ADAMTS2: variants seen among roughly 807,000 people sequenced by gnomAD.
ADAMTS2 encodes A disintegrin and metalloproteinase with thrombospondin motifs 2.
Under a neutral mutation model 123.0 loss-of-function variants are expected in ADAMTS2, and 50 were observed. The ratio of observed to expected loss-of-function variants is 0.41; its 90% confidence interval spans 0.32 to 0.51. ADAMTS2 has a LOEUF of 0.51. ADAMTS2 is among the 20% of genes least tolerant of loss of function. The probability of loss-of-function intolerance (pLI) is 0.35; values close to 1 mark genes in which losing one functional copy is unlikely to be tolerated. For missense variants in ADAMTS2, 1,494 were observed against 1,705.2 expected (o/e 0.88, Z 2.18); for synonymous variants, 678 against 695.4 (o/e 0.98, Z 0.39).
intron 2 of ADAMTS2, among the ~76,000 whole-genome samples, chr5:179,309,583 C>A (rs1756767873): frequency 6.6e-6 from 1 of 152,150 alleles, no homozygotes; most frequent in South Asian, 2.1e-4. Flanking sequence ...TGGTGAAACC[C>A]TGTCTGTACT....
At chr5:179,160,481 T>C (rs1763574038) in intron 5 of ADAMTS2, among the ~76,000 whole-genome samples, 4 of 152,094 alleles carry the variant, frequency 2.6e-5, no homozygotes, top group Admixed American at 2.6e-4. Flanking sequence ...ACAAAGGGTA[T>C]TGTTAGCAAG....
At chr5:179,220,538 G>A (rs1182446672) in intron 3 of ADAMTS2, among the ~76,000 whole-genome samples, 3 of 152,122 alleles carry the variant, frequency 2.0e-5, no homozygotes, top group African/African-American at 7.2e-5. Flanking sequence ...CAGCTGCATC[G>A]TCCACCTAGG....
intron 2 of ADAMTS2, among the ~76,000 whole-genome samples, chr5:179,336,792 G>A (rs938010294): frequency 2.6e-5 from 4 of 152,180 alleles, no homozygotes; most frequent in Non-Finnish European, 4.4e-5. Flanking sequence ...CCACCCTGCC[G>A]GTCACGAGGA....
At chr5:179,140,735 C>T (rs549215009) in intron 10 of ADAMTS2, among the ~76,000 whole-genome samples, 1 of 150,770 alleles carries the variant, frequency 6.6e-6, no homozygotes, top group Non-Finnish European at 1.5e-5. Flanking sequence ...AACCAAAAAA[C>T]AGAGAACAAG....
intron 3 of ADAMTS2, among the ~76,000 whole-genome samples, chr5:179,258,469 C>T (rs543852685): frequency 6.6e-6 from 1 of 152,244 alleles, no homozygotes; most frequent in Admixed American, 6.5e-5. Flanking sequence ...AGCCTGGCCA[C>T]CCCAGCCTCG....
intron 2 of ADAMTS2, among the ~76,000 whole-genome samples, chr5:179,338,674 A>G (rs894680706): frequency 3.9e-5 from 6 of 152,200 alleles, no homozygotes; most frequent in Admixed American, 3.3e-4. Flanking sequence ...ATGCCAGGCC[A>G]GTGGGTTTGG....
chr5:179,240,328 T>C (rs1765634648), intron 3 of ADAMTS2, among the ~76,000 whole-genome samples: 1 of 152,074 alleles, frequency 6.6e-6, no homozygotes, highest in African/African-American at 2.4e-5. Flanking sequence ...TTACCAGGAC[T>C]AGGGCATTGT....
At chr5:179,281,513 G>A (rs1477099992) in intron 2 of ADAMTS2, among the ~76,000 whole-genome samples, 1 of 152,226 alleles carries the variant, frequency 6.6e-6, no homozygotes, top group Admixed American at 6.5e-5. Context: ...GTAGCATATA[G>A]CAGTATTTCA....
rs1295001850 is a variant in ADAMTS2, at chr5:179,200,403, CA to C, written c.891+7109del. On this transcript the variant is annotated intron_variant, in intron 4 of 21. Transcript: ENST00000251582. The stretch of plus-strand genomic sequence containing the variant: ...AGCTGGGATTACAGGCACGTGCCAC[CA>C]CACTCGGCTTATTTTTGTATTTTTA... 2.0e-5 allele frequency among the ~76,000 whole-genome samples: 3 copies of C among 151,986 alleles called. No individual in the cohort carries two copies. In the East Asian group the frequency reaches 5.8e-4, roughly 29 times the overall value.
At position 179,180,694 on chromosome 5, in the gene ADAMTS2, C is replaced by A. The variant is rs751298853; in HGVS notation, c.975+378G>T. Among the ~76,000 whole-genome samples, 49 of 152,126 alleles carry A rather than the reference C, an allele frequency of 3.2e-4. No homozygotes were observed. The highest frequency in any genetic ancestry group is 1.0e-4 in the Non-Finnish European group (7 of 68,026). Reference sequence around the variant, plus strand: ...CACTGGAATTATTCAAACTGGCCAACCTTAAGCCAGCTCACCCTGTCCCCA... The same window carrying A: ...CACTGGAATTATTCAAACTGGCCAAACTTAAGCCAGCTCACCCTGTCCCCA... On this transcript the variant is annotated intron_variant, in intron 5 of 21. Coordinates refer to ENST00000251582, the MANE Select transcript of ADAMTS2 (RefSeq NM_014244.5). This position sits in a 1 kb window ranked among gnomAD's most constrained non-coding sequence, Gnocchi z 4.6.
chr5:179,152,456 G>C (rs546416010), intron 9 of ADAMTS2, among the ~76,000 whole-genome samples: 1 of 152,170 alleles, frequency 6.6e-6, no homozygotes, highest in Admixed American at 6.5e-5. Context: ...CCCTGGACGC[G>C]GCTGGGCCTC....
chr5:179,228,358 C>G lies in ADAMTS2; in HGVS notation c.689-20643G>C, dbSNP rs2113422877. On this transcript the variant is annotated intron_variant, in intron 3 of 21. Transcript: ENST00000251582. This position sits in a 1 kb window ranked among gnomAD's most constrained non-coding sequence, Gnocchi z 5.2. ...GGTGCACGGACAGGGCTGTTCCTGA[C>G]TCAGCTCACTCCACCAGAACCCAGT... Among the ~76,000 whole-genome samples, 1 of 152,344 alleles carries G rather than the reference C, an allele frequency of 6.6e-6. No individual in the cohort carries two copies. Among genetic ancestry groups the G allele is most frequent in the East Asian group, 1.9e-4 (1 of 5,186 alleles).
chr5:179,322,059 A>G (rs993561854), intron 2 of ADAMTS2, among the ~76,000 whole-genome samples: 8 of 152,370 alleles, frequency 5.3e-5, no homozygotes, highest in East Asian at 1.9e-4. Flanking sequence ...ATGTTTACAC[A>G]TATGTGCATG....
intron 3 of ADAMTS2, among the ~76,000 whole-genome samples, chr5:179,237,138 C>T (rs1765547543): frequency 6.6e-6 from 1 of 152,222 alleles, no homozygotes; most frequent in Non-Finnish European, 1.5e-5. Context: ...TGGCTCACAT[C>T]TCTAGCCCCA....
At chr5:179,121,639 G>T in intron 21 of ADAMTS2, 22 bp downstream of exon 21, 1 of 1,586,106 alleles carries the variant, frequency 6.3e-7, no homozygotes, top group Non-Finnish European at 8.6e-7. Flanking sequence ...GGCAGAGGCA[G>T]AGTTATAAAC....
intron 2 of ADAMTS2, among the ~76,000 whole-genome samples, chr5:179,327,555 C>T (rs919319157): frequency 2.6e-5 from 4 of 152,196 alleles, no homozygotes; most frequent in Non-Finnish European, 5.9e-5. Context: ...GGTCAACCGC[C>T]GCCACTCATC....
At position 179,158,574 on chromosome 5, in the gene ADAMTS2, C is replaced by T. The variant is rs976649922; in HGVS notation, c.1132+149G>A. On this transcript the variant is annotated intron_variant, in intron 6 of 21. Coordinates refer to ENST00000251582, the MANE Select transcript of ADAMTS2 (RefSeq NM_014244.5). The surrounding 1 kb of genome is among the most constrained non-coding windows in gnomAD (Gnocchi z 5.0). ...GATGTATTTGTCCATCAGTGCACTGCCCCACACCCTCACCCAGCTAAGGTG... is the reference window on the plus strand; with the variant it reads ...GATGTATTTGTCCATCAGTGCACTGTCCCACACCCTCACCCAGCTAAGGTG... 7 of 992,764 alleles carry T rather than the reference C, an allele frequency of 7.1e-6. No homozygotes were observed. In the East Asian group the frequency reaches 1.0e-4, roughly 14 times the overall value. 61.5% of individuals were successfully genotyped at this position (992,764 alleles called of 1,614,324 possible). A position where few individuals can be genotyped will look rare whatever the true frequency, so the allele number is the denominator to read the frequency against.
chr5:179,152,472 C>T (rs1763381092), intron 9 of ADAMTS2, among the ~76,000 whole-genome samples: 1 of 152,164 alleles, frequency 6.6e-6, no homozygotes, highest in Non-Finnish European at 1.5e-5. Flanking sequence ...GCCTCTCTGC[C>T]TCCAGTCTTT....
chr5:179,141,759 G>A (rs1168762534), intron 10 of ADAMTS2, among the ~76,000 whole-genome samples: 1 of 152,174 alleles, frequency 6.6e-6, no homozygotes, highest in Non-Finnish European at 1.5e-5. Flanking sequence ...GGCCACTGGT[G>A]TCATCCCTCT....
Sources: gnomAD v4.1 joint callset for allele counts (sites outside exome capture counted in the v4.1 genomes callset) on GRCh38, gnomAD v4.1.1 for gene constraint, Gnocchi (gnomAD v3.1) non-coding constraint, MANE v1.5 for transcripts, NCBI Gene and HGNC (gene_info 2026-07-23, HGNC 2026-07-21) for gene names.